Variants in SEC16A observed in about 807,000 individuals in gnomAD.
The protein encoded by SEC16A is SEC16 homolog A, endoplasmic reticulum export factor, also known as protein transport protein Sec16A.
In SEC16A, 110 loss-of-function variants were observed where a neutral mutation model predicts 221.9. The ratio of observed to expected loss-of-function variants is 0.50; its 90% CI spans 0.42 to 0.58. The LOEUF is 0.58. Among genes scored for constraint, SEC16A ranks in the 20% least tolerant of loss-of-function variants. The probability of loss-of-function intolerance (pLI) is 0.00; values close to 1 mark genes in which losing one functional copy is unlikely to be tolerated. For missense variants in SEC16A, 3,165 were observed against 3,097.8 expected (o/e 1.02, Z -0.52); for synonymous variants, 1,393 against 1,257.7 (o/e 1.11, Z -2.28).
At chr9:136,472,251 G>A in intron 3 of SEC16A, 140 bp from the exon 4 acceptor site, 9 of 975,306 alleles carry the variant, frequency 9.2e-6, no homozygotes, top group African/African-American at 1.6e-5. Flanking sequence ...CAACCAGCCT[G>A]AGCTAGAAAC....
At chr9:136,453,928 C>T (rs1838235142) in intron 21 of SEC16A, among the ~76,000 whole-genome samples, 181 bp downstream of exon 21, 2 of 152,244 alleles carry the variant, frequency 1.3e-5, no homozygotes, top group African/African-American at 4.8e-5. Flanking sequence ...GGCATTAACA[C>T]TGCTGTTGTA....
At chr9:136,467,930 C>T (rs1443874629) in intron 5 of SEC16A, among the ~76,000 whole-genome samples, 2 of 152,234 alleles carry the variant, frequency 1.3e-5, no homozygotes, top group Admixed American at 6.5e-5. Context: ...TGCAGCTGGA[C>T]GTCGCCAGGG....
rs73670270 is a variant in SEC16A, at chr9:136,445,509, C to A, written c.6867+136G>T. The A allele has an allele frequency of 3.1e-3, 2,169 of 697,016 alleles. 27 individuals are homozygous for A. In the African/African-American group the frequency reaches 0.035, roughly 11 times the overall value. 43.2% of individuals were successfully genotyped at this position (697,016 alleles called of 1,614,324 possible). A position where few individuals can be genotyped will look rare whatever the true frequency, so the allele number is the denominator to read the frequency against. Reference sequence around the variant, plus strand: ...TGCAATTTTTTTTCCCCCAGGAACACCACCTTCGAGGTGCTCTTGTTTCTA... The same window carrying A: ...TGCAATTTTTTTTCCCCCAGGAACAACACCTTCGAGGTGCTCTTGTTTCTA... On this transcript the variant is annotated intron_variant, in intron 29 of 31. Transcript: ENST00000684901.
chr9:136,460,220 T>C (rs1341525019), intron 13 of SEC16A, 97 bp from the exon 14 acceptor site: 1 of 966,550 alleles, frequency 1.0e-6, no homozygotes, highest in Non-Finnish European at 1.6e-6. Flanking sequence ...CCCAGCACTT[T>C]GGGAGGCCAA....
At chr9:136,462,821 A>C in intron 12 of SEC16A, 66 bp downstream of exon 12, 1 of 1,553,028 alleles carries the variant, frequency 6.4e-7, no homozygotes, top group Non-Finnish European at 8.7e-7. Context: ...TGAAGGCTGC[A>C]ACCCCGCACC....
intron 9 of SEC16A, 101 bp from the exon 10 acceptor site, chr9:136,463,841 T>G: frequency 6.2e-6 from 8 of 1,284,918 alleles, no homozygotes; most frequent in Non-Finnish European, 9.0e-6. Flanking sequence ...GAGGAGAGGA[T>G]GGCATGGCCC....
chr9:136,482,612 T>G (rs536861606), intron 1 of SEC16A, among the ~76,000 whole-genome samples: 2 of 152,348 alleles, frequency 1.3e-5, no homozygotes, highest in East Asian at 3.9e-4. Context: ...ACACGCTCAT[T>G]TGAAAAGTTA....
In SEC16A at chr9:136,476,381, G is replaced by T. The variant is rs776293499; in HGVS notation, c.1235C>A (p.Pro412Gln). 3.7e-6 allele frequency: 6 copies of T among 1,612,796 alleles called. No individual in the cohort carries two copies. The highest frequency in any genetic ancestry group is 5.1e-6 in the Non-Finnish European group (6 of 1,179,866). Residue 412 changes from proline (P) to glutamine (Q), a missense_variant, in exon 3 of 32, where the codon CCG (proline) becomes CAG (glutamine). Physicochemically the swap from Pro to Gln is moderately conservative, Grantham distance 76. Around this residue, in one of 3 missense-constraint regions of SEC16A, gnomAD observed 2,030 missense variants for 1,923.1 expected, o/e 1.06. Coordinates refer to ENST00000684901, the MANE Select transcript of SEC16A (RefSeq NM_014866.2). ...DFCSSPGLGRPPAPTHVGAGS... is the reference protein window; with the variant it reads ...DFCSSPGLGRQPAPTHVGAGS... The stretch of plus-strand genomic sequence containing the variant: ...TGCCCCCACGTGTGTAGGTGCGGGC[G>T]GACGGCCTAGCCCAGGGCTGGAGCA...
chr9:136,461,351 C>T, intron 12 of SEC16A, 77 bp from the exon 13 acceptor site: 1 of 1,030,880 alleles, frequency 9.7e-7, no homozygotes, highest in South Asian at 1.4e-5. Flanking sequence ...GGCCATGTGT[C>T]CTCACGCAGC....
chr9:136,443,085 C>T (rs1455728703), intron 31 of SEC16A, among the ~76,000 whole-genome samples: 2 of 152,228 alleles, frequency 1.3e-5, no homozygotes, highest in Admixed American at 1.3e-4. Flanking sequence ...GCTCAGAGAC[C>T]ACGGGCTCCA....
At position 136,459,979 on chromosome 9, in the gene SEC16A, A is replaced by T; in HGVS notation, c.5073+63T>A. On this transcript the variant is annotated intron_variant, in intron 14 of 31. Coordinates refer to ENST00000684901, the MANE Select transcript of SEC16A (RefSeq NM_014866.2). The surrounding 1 kb of genome is among the most constrained non-coding windows in gnomAD (Gnocchi z 6.1). Reference sequence around the variant, plus strand: ...GCACCTCACGGCCTGTGACAGCGTCACCCACGAGCAAACTCCACACAGGCA... The same window carrying T: ...GCACCTCACGGCCTGTGACAGCGTCTCCCACGAGCAAACTCCACACAGGCA... 1 of 1,542,638 alleles carries T rather than the reference A, an allele frequency of 6.5e-7. No individual in the cohort carries two copies. The highest frequency in any genetic ancestry group is 8.8e-7 in the Non-Finnish European group (1 of 1,131,404).
At chr9:136,484,728 C>G (rs377301287), upstream of SEC16A, 15 of 1,366,668 alleles carry the variant, frequency 1.1e-5, no homozygotes, top group African/African-American at 1.5e-5. Context: ...TGACGTGGCA[C>G]CAGGGCCAAT....
rs1273598627 is a variant in SEC16A, at chr9:136,450,470, T to C, written c.6312+786A>G. ...CAGCCTGGGCAATAGTGAGACCCCA[T>C]CTTTATGGGGGAAAAAAAAAACAAC... On this transcript the variant is annotated intron_variant, in intron 23 of 31. Transcript: ENST00000684901. Among the ~76,000 whole-genome samples, 3 of 149,650 alleles carry C rather than the reference T, an allele frequency of 2.0e-5. No homozygotes were observed. The East Asian group carries it at 5.9e-4, about 30-fold the overall frequency.
In SEC16A at chr9:136,476,555, C is replaced by T. The variant is rs767324772; in HGVS notation, c.1061G>A (p.Gly354Glu). 4.3e-6 allele frequency: 7 copies of T among 1,610,740 alleles called. No individual in the cohort carries two copies. Among genetic ancestry groups the T allele is most frequent in the Middle Eastern group, 3.3e-4 (2 of 6,054 alleles). ...TAGCGGGGCACAGCCAGACCCGGCC[C>T]CAGCCCCCAGTGGGTGGTGCGTACG... Reference protein sequence around the residue: ...ENRTHHPLGAGAGSGCAPLEA... With the variant: ...ENRTHHPLGAEAGSGCAPLEA... The change falls in exon 3 of 32, where the codon GGG becomes GAG. Residue 354 changes from glycine (G) to glutamate (E), a missense_variant. Around this residue, in one of 3 missense-constraint regions of SEC16A, gnomAD observed 2,030 missense variants for 1,923.1 expected, o/e 1.06. Transcript: ENST00000684901.
rs916191409 is a variant in SEC16A, at chr9:136,445,629, C to T, written c.6867+16G>A. 5.8e-6 allele frequency: 9 copies of T among 1,545,604 alleles called. No individual in the cohort carries two copies. The highest frequency in any genetic ancestry group is 2.7e-5 in the African/African-American group (2 of 72,906). ...AGGCCTGGGCTGCGGGGGGCCCTGG[C>T]GTCGGCACTCCTTACCTCTCCTCCC... On this transcript the variant is annotated intron_variant, in intron 29 of 31. Transcript: ENST00000684901.
rs1188460478 is a variant in SEC16A, at chr9:136,445,163, G to A, written c.6868-52C>T. The A allele has an allele frequency of 1.8e-5, 26 of 1,461,214 alleles. No individual in the cohort carries two copies. In the African/African-American group the frequency reaches 2.7e-4, roughly 15 times the overall value. 90.5% of individuals were successfully genotyped at this position (1,461,214 alleles called of 1,614,324 possible). On this transcript the variant is annotated intron_variant, in intron 29 of 31. Transcript: ENST00000684901. ...AACACGGACGAAAGTCAACATGCACGTCACTGTCCAATCCAAGCTGTCAGT... is the reference window on the plus strand; with the variant it reads ...AACACGGACGAAAGTCAACATGCACATCACTGTCCAATCCAAGCTGTCAGT...
In SEC16A at chr9:136,466,973, A is replaced by T. The variant is rs1310769787; in HGVS notation, c.3913T>A (p.Ser1305Thr). 6.2e-7 allele frequency: 1 copy of T among 1,613,358 alleles called. No individual in the cohort carries two copies. The highest frequency in any genetic ancestry group is 8.5e-7 in the Non-Finnish European group (1 of 1,179,756). The change falls in exon 6 of 32, where the codon TCT becomes ACT. Residue 1305 changes from serine to threonine, a missense_variant. Ser to Thr is a moderately conservative substitution (Grantham distance 58, BLOSUM62 1). This residue lies in a region of SEC16A where 2,030 missense variants were observed against 1,923.1 expected (regional missense o/e 1.06). Coordinates refer to ENST00000684901, the MANE Select transcript of SEC16A (RefSeq NM_014866.2). The surrounding 1 kb of genome is among the most constrained non-coding windows in gnomAD (Gnocchi z 5.5). ...TCCACCAACCTGTCCCCGAAGGCAG[A>T]GTGCTCTCTCCTGTATGCGTCATAC... ...AEYDAYRREHSAFGDRPEKRD... is the reference protein window; with the variant it reads ...AEYDAYRREHTAFGDRPEKRD...
chr9:136,460,177 A>T, intron 13 of SEC16A, 54 bp from the exon 14 acceptor site: 1 of 1,457,516 alleles, frequency 6.9e-7, no homozygotes, highest in Admixed American at 2.0e-5. Flanking sequence ...AAAAGAAAAA[A>T]GCCGGCCGGA....
chr9:136,448,588 C>T (rs949389112), intron 23 of SEC16A: 1 of 687,530 alleles, frequency 1.5e-6, no homozygotes, highest in Non-Finnish European at 2.7e-6. Context: ...ATAGAGACAC[C>T]AGGATGGAGG....
Sources: allele counts gnomAD v4.1 joint callset (sites outside exome capture counted in the v4.1 genomes callset), GRCh38; gene constraint gnomAD v4.1.1; regional missense constraint gnomAD v4.1.1; non-coding constraint Gnocchi (gnomAD v3.1); transcripts MANE v1.5; gene names NCBI Gene and HGNC (gene_info 2026-07-23, HGNC 2026-07-21).